KCNMA1: variants seen among roughly 807,000 people sequenced by gnomAD.
The protein encoded by KCNMA1 is potassium calcium-activated channel subfamily M alpha 1, also known as Calcium-activated potassium channel subunit alpha-1.
In KCNMA1, 29 loss-of-function variants were observed where a neutral mutation model predicts 140.0. The ratio of observed to expected loss-of-function variants is 0.21; its 90% CI spans 0.15 to 0.28. The LOEUF is 0.28. Among genes scored for constraint, KCNMA1 ranks in the 10% least tolerant of loss-of-function variants. KCNMA1 has a pLI of 1.00. For synonymous variants in KCNMA1, 612 were observed against 611.9 expected, an observed-to-expected ratio of 1.00 and a Z score of 0.00; for missense variants, 880 against 1,602.2, an observed-to-expected ratio of 0.55 and a Z score of 7.70.
rs192740896 is a variant in KCNMA1 at position 77,097,863 on chromosome 10, G to A, written c.1224-7353C>T. On this transcript the variant is annotated intron_variant, in intron 9 of 27. Coordinates refer to ENST00000286628, the MANE Select transcript of KCNMA1 (RefSeq NM_001161352.2). ...AGCTGTCAATGGAGCTGTTCTGGAT[G>A]TGGCAGGCTGTGCTGCTGTTTCCCT... Among the ~76,000 whole-genome samples, 25 of 152,284 alleles carry A rather than the reference G, an allele frequency of 1.6e-4. No individual in the cohort carries two copies. In the East Asian group the frequency reaches 2.5e-3, roughly 15 times the overall value.
intron 26 of KCNMA1, among the ~76,000 whole-genome samples, chr10:76,890,662 T>C (rs1458742642): frequency 6.6e-6 from 1 of 152,216 alleles, no homozygotes; most frequent in Non-Finnish European, 1.5e-5. Context: ...GGCGACACCA[T>C]TGTTTGTGTA....
chr10:77,631,554 C>T (rs1430673664), intron 1 of KCNMA1, among the ~76,000 whole-genome samples: 1 of 152,192 alleles, frequency 6.6e-6, no homozygotes, highest in Non-Finnish European at 1.5e-5. Flanking sequence ...TGAGCCGGGA[C>T]GCCCACTTTG....
intron 3 of KCNMA1, among the ~76,000 whole-genome samples, chr10:77,198,656 G>C (rs16934352): frequency 0.021 from 3,205 of 149,934 alleles, 118 homozygotes; most frequent in African/African-American, 0.075. Context: ...GATTCATCAA[G>C]CTTCGCTCTA....
intron 5 of KCNMA1, among the ~76,000 whole-genome samples, chr10:77,176,521 C>A (rs2098752734): frequency 6.6e-6 from 1 of 152,076 alleles, no homozygotes; most frequent in African/African-American, 2.4e-5. Flanking sequence ...TTCAATAAGG[C>A]TCTCCCCAAC....
At chr10:77,610,125 G>A (rs897041472) in intron 1 of KCNMA1, among the ~76,000 whole-genome samples, 2 of 152,138 alleles carry the variant, frequency 1.3e-5, no homozygotes, top group African/African-American at 4.8e-5. Context: ...CCTCAGTCCT[G>A]CCTCTGCCAT....
intron 1 of KCNMA1, among the ~76,000 whole-genome samples, chr10:77,583,333 G>A (rs778852630): frequency 2.6e-5 from 4 of 152,190 alleles, no homozygotes; most frequent in Non-Finnish European, 4.4e-5. Flanking sequence ...ATGGACGGGG[G>A]CACAAATGGC....
intron 5 of KCNMA1, among the ~76,000 whole-genome samples, chr10:77,129,128 C>A (rs1431809941): frequency 1.3e-5 from 2 of 152,110 alleles, no homozygotes; most frequent in South Asian, 4.1e-4. Flanking sequence ...AGTTTGGGAA[C>A]CAGTGGTTCA....
intron 3 of KCNMA1, among the ~76,000 whole-genome samples, chr10:77,206,807 CAGGG>C (rs1038881766): frequency 2.7e-5 from 1 of 37,136 alleles, no homozygotes; most frequent in Non-Finnish European, 4.9e-5. Flanking sequence ...TAAAGGGAGG[CAGGG>C]AGGGAGGGGG....
chr10:77,555,672 T>C (rs1291711512), intron 1 of KCNMA1, among the ~76,000 whole-genome samples: 2 of 152,198 alleles, frequency 1.3e-5, no homozygotes, highest in East Asian at 1.9e-4. Flanking sequence ...GAATGACAGA[T>C]GATGCAATGT....
rs901572776 is a variant in KCNMA1 at position 77,044,695 on chromosome 10, G to C, written c.1750-5058C>G. 5.9e-5 allele frequency among the ~76,000 whole-genome samples: 9 copies of C among 152,234 alleles called. 2 individuals are homozygous for C. ...TGTGTTTAATACTAAGAAAATGAAA[G>C]TGAACAAAGAAATCTGGACCAGGTA... On this transcript the variant is annotated intron_variant, in intron 14 of 27. Transcript: ENST00000286628.
At chr10:77,199,818 T>C (rs1027097446) in intron 3 of KCNMA1, among the ~76,000 whole-genome samples, 4 of 152,098 alleles carry the variant, frequency 2.6e-5, no homozygotes, top group South Asian at 2.1e-4. Flanking sequence ...GTATAGAGCC[T>C]AAGTAGATTG....
intron 2 of KCNMA1, among the ~76,000 whole-genome samples, chr10:77,267,311 A>G (rs2063712033): frequency 6.6e-6 from 1 of 152,192 alleles, no homozygotes; most frequent in African/African-American, 2.4e-5. Flanking sequence ...TGTCTTCAAA[A>G]AGGAAGAGGC....
At chr10:77,447,255 C>A (rs2097546196) in intron 1 of KCNMA1, among the ~76,000 whole-genome samples, 1 of 152,198 alleles carries the variant, frequency 6.6e-6, no homozygotes, top group Admixed American at 6.5e-5. Flanking sequence ...GCTGGGTTGG[C>A]CGAGGTTTTG....
intron 19 of KCNMA1, among the ~76,000 whole-genome samples, chr10:76,993,953 A>G (rs1336758543): frequency 6.6e-6 from 1 of 152,214 alleles, no homozygotes; most frequent in Non-Finnish European, 1.5e-5. Flanking sequence ...TCGAGGTTTC[A>G]TTACCAGAAT....
At chr10:77,368,577 A>G (rs888414121) in intron 2 of KCNMA1, among the ~76,000 whole-genome samples, 3 of 152,078 alleles carry the variant, frequency 2.0e-5, no homozygotes, top group African/African-American at 7.2e-5. Flanking sequence ...TTCTTTTGTG[A>G]ATCATCTTTT....
At chr10:77,594,988 G>A (rs557952074) in intron 1 of KCNMA1, among the ~76,000 whole-genome samples, 2 of 152,298 alleles carry the variant, frequency 1.3e-5, no homozygotes, top group African/African-American at 4.8e-5. Flanking sequence ...CTAGCAAAAT[G>A]TCCCAGTGGA....
intron 3 of KCNMA1, among the ~76,000 whole-genome samples, chr10:77,199,880 C>T (rs1224489271): frequency 6.6e-6 from 1 of 152,106 alleles, no homozygotes; most frequent in Non-Finnish European, 1.5e-5. Context: ...CATCTGTGTG[C>T]CCTGGAAGCA....
intron 1 of KCNMA1, among the ~76,000 whole-genome samples, chr10:77,525,422 G>C (rs1241703307): frequency 6.6e-6 from 1 of 152,096 alleles, no homozygotes; most frequent in Non-Finnish European, 1.5e-5. Flanking sequence ...GAGACTCAAT[G>C]GTTGATCAAT....
chr10:76,909,635 T>TC (rs1464430191), intron 25 of KCNMA1, among the ~76,000 whole-genome samples: 1 of 151,998 alleles, frequency 6.6e-6, no homozygotes, highest in Non-Finnish European at 1.5e-5. Flanking sequence ...AGAATGCTCT[T>TC]CCCCCAAGAT....
Sources: allele counts gnomAD v4.1 joint callset (sites outside exome capture counted in the v4.1 genomes callset), GRCh38; gene constraint gnomAD v4.1.1; transcripts MANE v1.5; gene names NCBI Gene and HGNC (gene_info 2026-07-23, HGNC 2026-07-21).